MALRD1: variants seen among roughly 807,000 people sequenced by gnomAD.
MALRD1 encodes MAM and LDL-receptor class A domain-containing protein 1.
Under a neutral mutation model 242.1 loss-of-function variants are expected in MALRD1, and 247 were observed. The ratio of observed to expected loss-of-function variants is 1.02; its 90% CI spans 0.92 to 1.13. The LOEUF is 1.13. Ranked by LOEUF, MALRD1 falls within the 50% of genes most tolerant of loss-of-function variation. The probability of loss-of-function intolerance (pLI) is 0.00; values close to 1 mark genes in which losing one functional copy is unlikely to be tolerated. For synonymous variants in MALRD1, 995 were observed against 866.6 expected (o/e 1.15, Z -2.60); for missense variants, 2,989 against 2,533.1 (o/e 1.18, Z -3.86).
At chr10:19,194,158 A>G (rs1414577601) in intron 14 of MALRD1, among the ~76,000 whole-genome samples, 2 of 152,180 alleles carry the variant, frequency 1.3e-5, no homozygotes, top group East Asian at 3.8e-4. Flanking sequence ...GCTGACTAAT[A>G]CAATTTCACG....
chr10:19,436,913 C>T (rs1340707697), intron 28 of MALRD1, among the ~76,000 whole-genome samples: 1 of 152,134 alleles, frequency 6.6e-6, no homozygotes, highest in Admixed American at 6.6e-5. Context: ...TGTTGCTCAC[C>T]TATTCAGTTA....
chr10:19,656,913 A>G (rs1841180402), intron 36 of MALRD1, among the ~76,000 whole-genome samples: 1 of 152,184 alleles, frequency 6.6e-6, no homozygotes, highest in Non-Finnish European at 1.5e-5. Flanking sequence ...GTTGTGAGCT[A>G]TCTATCGATC....
chr10:19,209,245 C>T (rs1293637708), intron 17 of MALRD1, 23 bp from the exon 18 acceptor site: 1 of 1,481,136 alleles, frequency 6.8e-7, no homozygotes, highest in Non-Finnish European at 8.9e-7. Flanking sequence ...TTATCTTTTG[C>T]TTTTATTTCA....
intron 33 of MALRD1, among the ~76,000 whole-genome samples, chr10:19,569,718 A>G (rs1325201564): frequency 2.7e-5 from 4 of 147,234 alleles, no homozygotes; most frequent in African/African-American, 4.9e-5. Context: ...ATATATTAGT[A>G]ACTTATATAT....
chr10:19,557,493 T>C (rs892230792), intron 32 of MALRD1, among the ~76,000 whole-genome samples: 2 of 152,102 alleles, frequency 1.3e-5, no homozygotes, highest in Non-Finnish European at 2.9e-5. Flanking sequence ...GATTCTTTTT[T>C]TTTTGTTTGC....
At chr10:19,603,502 G>C (rs1047065019) in intron 34 of MALRD1, among the ~76,000 whole-genome samples, 1 of 152,120 alleles carries the variant, frequency 6.6e-6, no homozygotes, top group African/African-American at 2.4e-5. Context: ...TCAGATGGTT[G>C]TAGATGTGTG....
At chr10:19,318,777 C>T (rs1842806364) in intron 21 of MALRD1, among the ~76,000 whole-genome samples, 1 of 151,958 alleles carries the variant, frequency 6.6e-6, no homozygotes, top group East Asian at 1.9e-4. Context: ...TTTTATTACA[C>T]ATGTGCTTTA....
chr10:19,156,650 T>C (rs1470668808), intron 12 of MALRD1, among the ~76,000 whole-genome samples: 3 of 152,124 alleles, frequency 2.0e-5, no homozygotes, highest in Admixed American at 2.0e-4. Context: ...TTGAAGATAT[T>C]AAGAGTGTAT....
rs1840368257 is a variant in MALRD1 at position 19,641,148 on chromosome 10, A to T, written c.6137+25225A>T. 2.0e-5 allele frequency among the ~76,000 whole-genome samples: 3 copies of T among 152,122 alleles called. No individual in the cohort carries two copies. The South Asian group carries it at 6.2e-4, about 31-fold the overall frequency. ...AATACAGTCTCTATGATGGCGGGTAATTTTTTTAGGACAGCAAATATGGTA... is the reference window on the plus strand; with the variant it reads ...AATACAGTCTCTATGATGGCGGGTATTTTTTTTAGGACAGCAAATATGGTA... On this transcript the variant is annotated intron_variant, in intron 36 of 39. Coordinates refer to ENST00000454679, the MANE Select transcript of MALRD1 (RefSeq NM_001142308.3).
At chr10:19,684,083 G>A (rs1377906358) in intron 36 of MALRD1, among the ~76,000 whole-genome samples, 1 of 152,024 alleles carries the variant, frequency 6.6e-6, no homozygotes, top group African/African-American at 2.4e-5. Context: ...GATGGTTTCC[G>A]GCTTCATCCA....
At chr10:19,147,259 C>T (rs1833756460) in intron 11 of MALRD1, among the ~76,000 whole-genome samples, 1 of 152,106 alleles carries the variant, frequency 6.6e-6, no homozygotes, top group East Asian at 1.9e-4. Context: ...AAGAATTATA[C>T]CAAAAATAAG....
At chr10:19,239,703 A>G (rs900404569) in intron 18 of MALRD1, among the ~76,000 whole-genome samples, 1 of 152,114 alleles carries the variant, frequency 6.6e-6, no homozygotes, top group African/African-American at 2.4e-5. Context: ...GTCTAATTTC[A>G]TTATCCCACA....
rs1262815109 is a variant in MALRD1, at chr10:19,696,350, T to C, written c.6314+3796T>C. Among the ~76,000 whole-genome samples, 3 of 152,144 alleles carry C rather than the reference T, an allele frequency of 2.0e-5. No homozygotes were observed. In the South Asian group the frequency reaches 6.2e-4, roughly 32 times the overall value. ...AAAGATTTAATAACATTTTTAGAAATTAAAGATATACATCATATCTTGAAC... is the reference window on the plus strand; with the variant it reads ...AAAGATTTAATAACATTTTTAGAAACTAAAGATATACATCATATCTTGAAC... On this transcript the variant is annotated intron_variant, in intron 38 of 39. Coordinates refer to ENST00000454679, the MANE Select transcript of MALRD1 (RefSeq NM_001142308.3).
chr10:19,590,932 C>G (rs545335463), intron 33 of MALRD1, among the ~76,000 whole-genome samples: 3 of 152,276 alleles, frequency 2.0e-5, no homozygotes, highest in South Asian at 4.1e-4. Flanking sequence ...TTAAGTTTCA[C>G]TCTTTGTGTT....
At chr10:19,160,111 A>G (rs1834332780) in intron 12 of MALRD1, among the ~76,000 whole-genome samples, 1 of 152,192 alleles carries the variant, frequency 6.6e-6, no homozygotes, top group South Asian at 2.1e-4. Flanking sequence ...AATAAAAGCA[A>G]GCCCTTTTTA....
intron 33 of MALRD1, among the ~76,000 whole-genome samples, chr10:19,594,385 G>T (rs559548624): frequency 2.0e-5 from 3 of 152,140 alleles, no homozygotes; most frequent in Non-Finnish European, 4.4e-5. Context: ...TACACTGCTG[G>T]TGGGAATGTA....
chr10:19,233,037 T>G (rs989709258), intron 18 of MALRD1, among the ~76,000 whole-genome samples: 1 of 152,216 alleles, frequency 6.6e-6, no homozygotes, highest in African/African-American at 2.4e-5. Flanking sequence ...AAAAACAATT[T>G]TTTTTAGTTT....
chr10:19,566,174 G>T (rs376455789), intron 32 of MALRD1, among the ~76,000 whole-genome samples: 31 of 151,996 alleles, frequency 2.0e-4, no homozygotes, highest in African/African-American at 7.2e-4. Context: ...TGTTGCCCAG[G>T]CTGGAATGCA....
At chr10:19,286,530 G>C (rs924517124) in intron 21 of MALRD1, among the ~76,000 whole-genome samples, 3 of 152,066 alleles carry the variant, frequency 2.0e-5, no homozygotes, top group Admixed American at 2.0e-4. Context: ...TTTGTCTTTG[G>C]CTCTGTTTAT....
Sources: allele counts gnomAD v4.1 joint callset (sites outside exome capture counted in the v4.1 genomes callset), GRCh38; gene constraint gnomAD v4.1.1; transcripts MANE v1.5; gene names NCBI Gene and HGNC (gene_info 2026-07-23, HGNC 2026-07-21).